Variants in SLC16A10 observed in about 807,000 individuals in gnomAD.
SLC16A10 encodes the protein monocarboxylate transporter 10.
A neutral mutation model predicts 40.0 loss-of-function variants in SLC16A10; 27 were observed. That is an observed-to-expected ratio of 0.67 (90% confidence interval 0.50 to 0.93). The LOEUF (loss-of-function observed/expected upper bound fraction) is 0.93. Ranked by LOEUF, SLC16A10 falls within the 40% of genes least tolerant of loss-of-function variation. The pLI, the probability that SLC16A10 is intolerant of heterozygous loss-of-function variation, is 0.00. For synonymous variants in SLC16A10, 213 were observed against 249.8 expected (o/e 0.85, Z 1.39); for missense variants, 529 against 658.2 (o/e 0.80, Z 2.15).
chr6:111,121,501 T>C (rs59083289), intron 1 of SLC16A10, among the ~76,000 whole-genome samples: 1,851 of 152,314 alleles, frequency 0.012, 26 homozygotes, highest in African/African-American at 0.043. Context: ...GTTGAGGCTG[T>C]GGTCAGCTCT....
At chr6:111,213,841 G>T (rs1247719764) in intron 4 of SLC16A10, among the ~76,000 whole-genome samples, 2 of 152,182 alleles carry the variant, frequency 1.3e-5, no homozygotes, top group African/African-American at 2.4e-5. Flanking sequence ...TTTGTGATGG[G>T]CCAGCAGAAC....
At chr6:111,215,555 A>G (rs1773406723) in intron 4 of SLC16A10, among the ~76,000 whole-genome samples, 1 of 152,196 alleles carries the variant, frequency 6.6e-6, no homozygotes, top group South Asian at 2.1e-4. Flanking sequence ...CTATAGTTTT[A>G]ACAATTAAAT....
intron 3 of SLC16A10, among the ~76,000 whole-genome samples, chr6:111,185,984 C>T (rs1045789665): frequency 5.3e-5 from 8 of 151,638 alleles, no homozygotes; most frequent in Non-Finnish European, 1.0e-4. Context: ...ACTGTAGCTT[C>T]GACCTCCCGG....
intron 1 of SLC16A10, among the ~76,000 whole-genome samples, chr6:111,090,467 G>C (rs1461480447): frequency 6.6e-6 from 1 of 152,210 alleles, no homozygotes; most frequent in Non-Finnish European, 1.5e-5. Flanking sequence ...GCCATTACTT[G>C]GGTGCTAGGT....
chr6:111,164,291 C>T (rs1240650619), intron 1 of SLC16A10, among the ~76,000 whole-genome samples: 1 of 152,140 alleles, frequency 6.6e-6, no homozygotes, highest in Non-Finnish European at 1.5e-5. Context: ...TTTCAGTAGT[C>T]TCAATTACAT....
Position 111,088,096 on chromosome 6 carries a change from G to C in SLC16A10, c.343+1G>C. The stretch of plus-strand genomic sequence containing the variant: ...GATGACAAGATGGTCTTTAAGACAG[G>C]TGAGGCGCGGCGCCCGCCGAGGCCA... On this transcript the variant is annotated splice_donor_variant, in intron 1 of 5. Transcript: ENST00000368851. LOFTEE classifies it high-confidence loss of function. 1 of 1,595,280 alleles carries C rather than the reference G, an allele frequency of 6.3e-7. No individual in the cohort carries two copies. Among genetic ancestry groups the C allele is most frequent in the South Asian group, 1.1e-5 (1 of 88,596 alleles).
chr6:111,109,768 C>T (rs964358837), intron 1 of SLC16A10, among the ~76,000 whole-genome samples: 1 of 152,016 alleles, frequency 6.6e-6, no homozygotes, highest in East Asian at 1.9e-4. Flanking sequence ...AATTTTTTAT[C>T]GATTCACATA....
intron 1 of SLC16A10, among the ~76,000 whole-genome samples, chr6:111,129,230 C>G (rs1262942922): frequency 6.6e-6 from 1 of 152,040 alleles, no homozygotes; most frequent in Non-Finnish European, 1.5e-5. Flanking sequence ...GACCTTGGAG[C>G]AGTCTGTCAG....
At chr6:111,113,463 G>GT (rs1406029193) in intron 1 of SLC16A10, among the ~76,000 whole-genome samples, 10 of 152,088 alleles carry the variant, frequency 6.6e-5, no homozygotes, top group African/African-American at 2.4e-4. Context: ...GGAGCTCTGG[G>GT]GTTTTTTTTG....
In SLC16A10 at chr6:111,229,674, TATC is replaced by T. The variant is rs1329122302; in HGVS notation, c.*7442_*7444del. The T allele has an allele frequency of 6.6e-6, 1 of 152,236 alleles. No homozygotes were observed. The highest frequency in any genetic ancestry group is 1.5e-5 in the Non-Finnish European group (1 of 68,040). 9.4% of individuals were successfully genotyped at this position (152,236 alleles called of 1,614,324 possible). ...ATTATTTGAAATTTATCACTGAAAG[TATC>T]ATTGTTTGTCTTTCAGATTTAACAT... On this transcript the variant is annotated 3_prime_UTR_variant, in exon 6 of 6. Coordinates refer to ENST00000368851, the MANE Select transcript of SLC16A10 (RefSeq NM_018593.5).
chr6:111,114,066 A>T (rs1562401288), intron 1 of SLC16A10, among the ~76,000 whole-genome samples: 1 of 152,018 alleles, frequency 6.6e-6, no homozygotes, highest in Non-Finnish European at 1.5e-5. Flanking sequence ...CAAGCAGGGA[A>T]TTTTTTTCTT....
intron 1 of SLC16A10, among the ~76,000 whole-genome samples, chr6:111,155,022 C>CAAAA (rs397888706): frequency 3.7e-5 from 2 of 53,450 alleles, no homozygotes; most frequent in Non-Finnish European, 7.5e-5. Flanking sequence ...GACTCCATCT[C>CAAAA]AAAAAAAAAA....
chr6:111,152,686 G>C (rs1370202231), intron 1 of SLC16A10, among the ~76,000 whole-genome samples: 1 of 152,128 alleles, frequency 6.6e-6, no homozygotes. Flanking sequence ...CTTTTCTCTG[G>C]CTTTCCAGAA....
intron 1 of SLC16A10, among the ~76,000 whole-genome samples, chr6:111,163,876 T>A (rs1772422216): frequency 6.6e-6 from 1 of 152,212 alleles, no homozygotes; most frequent in African/African-American, 2.4e-5. Flanking sequence ...AAACAAACAA[T>A]CCATCTCTGG....
intron 1 of SLC16A10, among the ~76,000 whole-genome samples, chr6:111,129,845 G>T (rs1035108046): frequency 3.3e-5 from 5 of 152,218 alleles, no homozygotes; most frequent in Non-Finnish European, 5.9e-5. Context: ...AACTGATAGA[G>T]ACAATTGTTT....
At chr6:111,107,291 A>G (rs1771301633) in intron 1 of SLC16A10, among the ~76,000 whole-genome samples, 1 of 152,198 alleles carries the variant, frequency 6.6e-6, no homozygotes, top group Admixed American at 6.6e-5. Flanking sequence ...TTAAGAAATG[A>G]TATCGCACCA....
At chr6:111,163,334 A>G (rs1772410179) in intron 1 of SLC16A10, among the ~76,000 whole-genome samples, 1 of 150,906 alleles carries the variant, frequency 6.6e-6, no homozygotes, top group South Asian at 2.1e-4. Flanking sequence ...TTGTATTTTT[A>G]GTAGAGACGG....
chr6:111,156,610 CAAG>C (rs886306813), intron 1 of SLC16A10, among the ~76,000 whole-genome samples: 9 of 152,160 alleles, frequency 5.9e-5, no homozygotes, highest in African/African-American at 2.2e-4. Flanking sequence ...TCATCTGAAA[CAAG>C]AAAAGTCTGG....
At position 111,177,579 on chromosome 6, in the gene SLC16A10, G is replaced by A. The variant is rs1246159082; in HGVS notation, c.856G>A (p.Ala286Thr). 1 of 1,612,138 alleles carries A rather than the reference G, an allele frequency of 6.2e-7. No homozygotes were observed. The highest frequency in any genetic ancestry group is 1.7e-5 in the Admixed American group (1 of 59,734). Residue 286 changes from alanine (A) to threonine (T), a missense_variant, in exon 3 of 6, where the codon GCC (alanine) becomes ACC (threonine). Coordinates refer to ENST00000368851, the MANE Select transcript of SLC16A10 (RefSeq NM_018593.5). ...TCCTCCAAAAAAAATTTTCAATTTT[G>A]CCATCTTCAAGGTGACAGCTTATGC... ...FSPPKKIFNF[A>T]IFKVTAYAVW...
Sources: gnomAD v4.1 joint callset for allele counts (sites outside exome capture counted in the v4.1 genomes callset) on GRCh38, gnomAD v4.1.1 for gene constraint, MANE v1.5 for transcripts, NCBI Gene and HGNC (gene_info 2026-07-23, HGNC 2026-07-21) for gene names.